Variants in LRRTM4 observed in about 807,000 individuals in gnomAD.
LRRTM4 encodes the protein leucine-rich repeat transmembrane neuronal protein 4.
In LRRTM4, 25 loss-of-function variants were observed where a neutral mutation model predicts 47.6. The ratio of observed to expected loss-of-function variants is 0.53; its 90% CI spans 0.38 to 0.73. The LOEUF (loss-of-function observed/expected upper bound fraction) is 0.73. Ranked by LOEUF, LRRTM4 falls within the 30% of genes least tolerant of loss-of-function variation. The pLI is 0.00. For missense variants in LRRTM4, 638 were observed against 713.4 expected (o/e 0.89, Z 1.20); for synonymous variants, 311 against 269.5 (o/e 1.15, Z -1.51).
chr2:77,462,748 C>A (rs762464560), intron 3 of LRRTM4, among the ~76,000 whole-genome samples: 119 of 152,212 alleles, frequency 7.8e-4, no homozygotes, highest in Non-Finnish European at 6.2e-4. Context: ...CTTGCATCCA[C>A]CCTAATTAGC....
intron 3 of LRRTM4, among the ~76,000 whole-genome samples, chr2:77,348,388 T>A (rs1671644834): frequency 6.6e-6 from 1 of 151,290 alleles, no homozygotes; most frequent in South Asian, 2.1e-4. Context: ...CTCCATTATA[T>A]TTGTTGAAAA....
intron 3 of LRRTM4, among the ~76,000 whole-genome samples, chr2:77,477,497 T>C (rs1677449453): frequency 6.6e-6 from 1 of 152,098 alleles, no homozygotes; most frequent in Admixed American, 6.6e-5. Context: ...GTGAGATGCA[T>C]ATCTGTCATT....
At chr2:76,775,542 A>T (rs1673932161) in intron 3 of LRRTM4, among the ~76,000 whole-genome samples, 1 of 152,138 alleles carries the variant, frequency 6.6e-6, no homozygotes, top group African/African-American at 2.4e-5. Flanking sequence ...AATCAATTTA[A>T]AAAAAGAGTT....
At chr2:77,392,689 GA>G (rs1673550295) in intron 3 of LRRTM4, among the ~76,000 whole-genome samples, 1 of 151,948 alleles carries the variant, frequency 6.6e-6, no homozygotes, top group South Asian at 2.1e-4. Context: ...TAGAAACAGA[GA>G]GTAAAATATT....
At chr2:76,999,644 G>C (rs1166327035) in intron 3 of LRRTM4, among the ~76,000 whole-genome samples, 1 of 152,044 alleles carries the variant, frequency 6.6e-6, no homozygotes, top group Non-Finnish European at 1.5e-5. Context: ...TTTAAAAGTT[G>C]ATTCACTTAA....
chr2:77,162,059 T>A (rs969109174), intron 3 of LRRTM4, among the ~76,000 whole-genome samples: 9 of 152,094 alleles, frequency 5.9e-5, no homozygotes, highest in Non-Finnish European at 1.2e-4. Flanking sequence ...GAGCGGGAAT[T>A]CCCTTTCCTA....
intron 3 of LRRTM4, among the ~76,000 whole-genome samples, chr2:77,443,638 C>T (rs1675932491): frequency 6.6e-6 from 1 of 151,922 alleles, no homozygotes; most frequent in South Asian, 2.1e-4. Flanking sequence ...GGTGATAAAA[C>T]ATAGTATATG....
chr2:77,181,777 G>A (rs975798025), intron 3 of LRRTM4, among the ~76,000 whole-genome samples: 1 of 151,828 alleles, frequency 6.6e-6, no homozygotes, highest in Non-Finnish European at 1.5e-5. Flanking sequence ...GGGAGGAAAG[G>A]CAATTTAACA....
At chr2:76,910,573 T>A (rs971874635) in intron 3 of LRRTM4, among the ~76,000 whole-genome samples, 1 of 152,198 alleles carries the variant, frequency 6.6e-6, no homozygotes, top group South Asian at 2.1e-4. Flanking sequence ...ATGTCAGGGA[T>A]TGATGGAATC....
At chr2:76,783,718 G>T (rs1211812534) in intron 3 of LRRTM4, among the ~76,000 whole-genome samples, 1 of 152,076 alleles carries the variant, frequency 6.6e-6, no homozygotes, top group African/African-American at 2.4e-5. Context: ...ATACCATTTG[G>T]CATCCCTATT....
At chr2:77,220,359 T>G (rs183962238) in intron 3 of LRRTM4, among the ~76,000 whole-genome samples, 14 of 152,288 alleles carry the variant, frequency 9.2e-5, no homozygotes, top group African/African-American at 3.4e-4. Flanking sequence ...GGACGCAGAA[T>G]GACTTCTACG....
chr2:77,008,458 C>T (rs115931976), intron 3 of LRRTM4, among the ~76,000 whole-genome samples: 1,882 of 152,240 alleles, frequency 0.012, 39 homozygotes, highest in African/African-American at 0.043. Flanking sequence ...GCCAGCATAA[C>T]TGTAGATAGT....
chr2:77,128,740 A>C (rs1671720035), intron 3 of LRRTM4, among the ~76,000 whole-genome samples: 1 of 152,132 alleles, frequency 6.6e-6, no homozygotes, highest in African/African-American at 2.4e-5. Flanking sequence ...CCCGGGTTCA[A>C]GCGATTCTCC....
chr2:77,285,916 C>A (rs1676643363), intron 3 of LRRTM4, among the ~76,000 whole-genome samples: 4 of 152,080 alleles, frequency 2.6e-5, no homozygotes. Flanking sequence ...ATATATCTAA[C>A]CTTAAGGAAG....
intron 3 of LRRTM4, among the ~76,000 whole-genome samples, chr2:77,447,294 T>C (rs1364315546): frequency 6.6e-6 from 1 of 152,050 alleles, no homozygotes; most frequent in Admixed American, 6.6e-5. Context: ...TGTGTGTGTA[T>C]TGTAAGCAAG....
chr2:76,810,693 A>G (rs1670706473), intron 3 of LRRTM4, among the ~76,000 whole-genome samples: 3 of 152,276 alleles, frequency 2.0e-5, no homozygotes, highest in South Asian at 4.1e-4. Context: ...TAACTTCCTT[A>G]TTTAGTTTCT....
At chr2:76,802,306 A>G (rs2103777845) in intron 3 of LRRTM4, among the ~76,000 whole-genome samples, 1 of 152,096 alleles carries the variant, frequency 6.6e-6, no homozygotes, top group Non-Finnish European at 1.5e-5. Context: ...AAATACACAA[A>G]TCTCTAGCAT....
intron 3 of LRRTM4, among the ~76,000 whole-genome samples, chr2:77,214,752 T>G (rs1674390352): frequency 6.6e-6 from 1 of 151,936 alleles, no homozygotes; most frequent in Non-Finnish European, 1.5e-5. Context: ...TCTCCAGCCA[T>G]CTGTTAACTC....
At chr2:77,253,508 C>G (rs1675679221) in intron 3 of LRRTM4, among the ~76,000 whole-genome samples, 1 of 152,114 alleles carries the variant, frequency 6.6e-6, no homozygotes, top group African/African-American at 2.4e-5. Context: ...GTCTCCTACC[C>G]AGTCCTGCAG....
Sources: gnomAD v4.1 joint callset for allele counts (sites outside exome capture counted in the v4.1 genomes callset) on GRCh38, gnomAD v4.1.1 for gene constraint, MANE v1.5 for transcripts, NCBI Gene and HGNC (gene_info 2026-07-23, HGNC 2026-07-21) for gene names.